The following CDC42 variants were observed in gnomAD, a reference collection of about 807,000 sequenced individuals.
CDC42 encodes the protein cell division control protein 42 homolog.
A neutral mutation model predicts 20.8 loss-of-function variants in CDC42; 1 was observed. The observed-to-expected ratio is 0.05, with a 90% CI of 0.02 to 0.23. The LOEUF (loss-of-function observed/expected upper bound fraction) is 0.23. CDC42 is among the 10% of genes least tolerant of loss of function. The pLI, the probability that CDC42 is intolerant of heterozygous loss-of-function variation, is 1.00. For missense variants in CDC42, 49 were observed against 227.9 expected (o/e 0.21, Z 5.05); for synonymous variants, 72 against 84.8 (o/e 0.85, Z 0.83).
intron 1 of CDC42, among the ~76,000 whole-genome samples, chr1:22,076,608 A>G (rs16826451): frequency 0.013 from 1,909 of 152,242 alleles, 45 homozygotes; most frequent in African/African-American, 0.04. Flanking sequence ...TTTTGGGAGG[A>G]TGAAATGTGT....
At position 22,093,724 on chromosome 1, in the gene CDC42, T is replaced by C. The variant is rs981321559; in HGVS notation, c.*2207T>C. On this transcript the variant is annotated 3_prime_UTR_variant, in exon 6 of 6. Coordinates refer to ENST00000656825, the MANE Select transcript of CDC42 (RefSeq NM_001791.4). ...CCAAGAAATGCATCTTATTTATTCCTTGTTGACTATACTAGGGAGAGATAC... is the reference window on the plus strand; with the variant it reads ...CCAAGAAATGCATCTTATTTATTCCCTGTTGACTATACTAGGGAGAGATAC... Among the ~76,000 whole-genome samples the C allele has an allele frequency of 3.3e-5, 5 of 152,206 alleles. No homozygotes were observed. Among genetic ancestry groups the C allele is most frequent in the Admixed American group, 2.6e-4 (4 of 15,282 alleles).
rs1400442040 is a variant in CDC42, at chr1:22,057,933, G to T, written c.-51+5191G>T. 4.6e-5 allele frequency among the ~76,000 whole-genome samples: 7 copies of T among 151,940 alleles called. No individual in the cohort carries two copies. In the East Asian group the frequency reaches 1.4e-3, roughly 29 times the overall value. ...GAGGTGGGGGGGTTTCACCATGTTG[G>T]TCAGGCTGGTCTGTAACTCCTGACC... On this transcript the variant is annotated intron_variant, in intron 1 of 5. Coordinates refer to ENST00000656825, the MANE Select transcript of CDC42 (RefSeq NM_001791.4).
At position 22,097,272 on chromosome 1, in the gene CDC42, T is replaced by C. The variant is rs1393943391; in HGVS notation, c.*5755T>C. The stretch of plus-strand genomic sequence containing the variant: ...CTTAAATCTGTATTATTACTTTTTT[T>C]TCGAGACCAGATCTTACTCTGTCGC... On this transcript the variant is annotated 3_prime_UTR_variant, in exon 6 of 6. Coordinates refer to ENST00000656825, the MANE Select transcript of CDC42 (RefSeq NM_001791.4). 1.3e-5 allele frequency among the ~76,000 whole-genome samples: 2 copies of C among 152,226 alleles called. No individual in the cohort carries two copies. Among genetic ancestry groups the C allele is most frequent in the South Asian group, 2.1e-4 (1 of 4,832 alleles).
chr1:22,084,637 A>G (rs1230041699), intron 3 of CDC42, among the ~76,000 whole-genome samples: 2 of 151,828 alleles, frequency 1.3e-5, no homozygotes, highest in Admixed American at 6.6e-5. Flanking sequence ...TTCTGTTGAT[A>G]CTATTTTCTG....
chr1:22,080,033 G>C (rs763530913), intron 2 of CDC42, among the ~76,000 whole-genome samples: 1 of 152,174 alleles, frequency 6.6e-6, no homozygotes, highest in Non-Finnish European at 1.5e-5. Flanking sequence ...AATGGATTTG[G>C]TGTAGAATGC....
chr1:22,088,504 G>C (rs1645685019), intron 5 of CDC42, among the ~76,000 whole-genome samples: 1 of 152,220 alleles, frequency 6.6e-6, no homozygotes. Flanking sequence ...AAGAGGGGAA[G>C]TTAGAAAATG....
rs568058113 is a variant in CDC42 at position 22,062,386 on chromosome 1, A to G, written c.-51+9644A>G. Among the ~76,000 whole-genome samples the G allele has an allele frequency of 2.0e-5, 3 of 152,340 alleles. 1 individual carries two copies. The South Asian group carries it at 6.2e-4, about 32-fold the overall frequency. ...TGGCATCTCACCTCATAACTTTTAAAAGAAAGGTTCTGAATTTGTCACGTT... is the reference window on the plus strand; with the variant it reads ...TGGCATCTCACCTCATAACTTTTAAGAGAAAGGTTCTGAATTTGTCACGTT... On this transcript the variant is annotated intron_variant, in intron 1 of 5. Transcript: ENST00000656825.
At chr1:22,087,078 C>T (rs1017680938) in intron 5 of CDC42, among the ~76,000 whole-genome samples, 1 of 151,976 alleles carries the variant, frequency 6.6e-6, no homozygotes, top group Non-Finnish European at 1.5e-5. Context: ...GGTAAGCTCT[C>T]GTATTGTACT....
chr1:22,053,190 G>A (rs1317742437), intron 1 of CDC42: 1 of 151,386 alleles, frequency 6.6e-6, no homozygotes, highest in Non-Finnish European at 1.5e-5. Context: ...CTGGCAGGCT[G>A]CGTTCCGTGC....
At chr1:22,072,054 G>A (rs1221915668) in intron 1 of CDC42, among the ~76,000 whole-genome samples, 1 of 144,806 alleles carries the variant, frequency 6.9e-6, no homozygotes, top group African/African-American at 2.6e-5. Flanking sequence ...TTATTAGCTA[G>A]AACAACTCAT....
At chr1:22,073,566 C>T (rs1298441614) in intron 1 of CDC42, among the ~76,000 whole-genome samples, 1 of 151,592 alleles carries the variant, frequency 6.6e-6, no homozygotes, top group African/African-American at 2.4e-5. Context: ...AATAAAAAAC[C>T]TAGAAGATAT....
Position 22,099,509 on chromosome 1 carries a change from T to A in CDC42, c.*7992T>A, listed in dbSNP as rs188370878. Among the ~76,000 whole-genome samples the A allele has an allele frequency of 2.0e-5, 3 of 152,340 alleles. No homozygotes were observed. Among genetic ancestry groups the A allele is most frequent in the African/African-American group, 7.2e-5 (3 of 41,574 alleles). ...GAAACTGTGTGCTTACCATTACATA[T>A]CTTATGTGGAAATAAAATGTATATG... On this transcript the variant is annotated 3_prime_UTR_variant, in exon 6 of 6. Transcript: ENST00000656825.
chr1:22,099,887 G>C lies in CDC42; in HGVS notation c.*8370G>C, dbSNP rs918263893. Among the ~76,000 whole-genome samples, 1 of 149,666 alleles carries C rather than the reference G, an allele frequency of 6.7e-6. No individual in the cohort carries two copies. Among genetic ancestry groups the C allele is most frequent in the African/African-American group, 2.5e-5 (1 of 40,436 alleles). The stretch of plus-strand genomic sequence containing the variant: ...ATATGTGGAAACTGAGGCATGTTAT[G>C]ATACAAAGCTTGTCCAAGAATTCAG... On this transcript the variant is annotated 3_prime_UTR_variant, in exon 6 of 6. Coordinates refer to ENST00000656825, the MANE Select transcript of CDC42 (RefSeq NM_001791.4).
chr1:22,075,049 C>G (rs2152829935), intron 1 of CDC42, among the ~76,000 whole-genome samples: 1 of 152,228 alleles, frequency 6.6e-6, no homozygotes, highest in Non-Finnish European at 1.5e-5. Flanking sequence ...TTGAAAGTGG[C>G]CTGTTTGGTA....
chr1:22,090,261 C>T, intron 5 of CDC42: 2 of 1,209,422 alleles, frequency 1.7e-6, no homozygotes, highest in Non-Finnish European at 2.1e-6. Flanking sequence ...GCTTGAGTTG[C>T]CTGATGCTCA....
chr1:22,095,682 A>G lies in CDC42; in HGVS notation c.*4165A>G, dbSNP rs563263774. Among the ~76,000 whole-genome samples the G allele has an allele frequency of 3.9e-5, 6 of 152,314 alleles. No homozygotes were observed. The highest frequency in any genetic ancestry group is 9.6e-5 in the African/African-American group (4 of 41,584). On this transcript the variant is annotated 3_prime_UTR_variant, in exon 6 of 6. Transcript: ENST00000656825. ...ATAATGTTGCATTTGAACCATGCCA[A>G]CGGTAGCTTATTAAAACAGCATTTA...
chr1:22,090,114 C>G (rs1645701268), intron 5 of CDC42: 2 of 1,518,506 alleles, frequency 1.3e-6, no homozygotes, highest in African/African-American at 2.8e-5. Flanking sequence ...GGAATAAAAC[C>G]ATCCTGTTTG....
chr1:22,072,346 C>A (rs1245174376), intron 1 of CDC42, among the ~76,000 whole-genome samples: 1 of 152,000 alleles, frequency 6.6e-6, no homozygotes, highest in Non-Finnish European at 1.5e-5. Context: ...ATCTGCCCGC[C>A]TCGGCCTCCC....
chr1:22,098,165 A>T lies in CDC42; in HGVS notation c.*6648A>T, dbSNP rs1391604566. On this transcript the variant is annotated 3_prime_UTR_variant, in exon 6 of 6. Coordinates refer to ENST00000656825, the MANE Select transcript of CDC42 (RefSeq NM_001791.4). ...GTAGAGACTAGGAGCCTACATTTTG[A>T]ACAAGCATCTTTTTATTTTGATGAA... 6.6e-6 allele frequency among the ~76,000 whole-genome samples: 1 copy of T among 152,150 alleles called. No homozygotes were observed. The highest frequency in any genetic ancestry group is 1.9e-4 in the East Asian group (1 of 5,188).
Sources: gnomAD v4.1 joint callset for allele counts (sites outside exome capture counted in the v4.1 genomes callset) on GRCh38, gnomAD v4.1.1 for gene constraint, MANE v1.5 for transcripts, NCBI Gene and HGNC (gene_info 2026-07-23, HGNC 2026-07-21) for gene names.